KLHDC1: variants seen among roughly 807,000 people sequenced by gnomAD.
KLHDC1 encodes kelch domain-containing protein 1.
A neutral mutation model predicts 68.3 loss-of-function variants in KLHDC1; 53 were observed. That is an observed-to-expected ratio of 0.78 (90% CI 0.62 to 0.98). The LOEUF is 0.98. Ranked by LOEUF, KLHDC1 falls within the 50% of genes least tolerant of loss-of-function variation. The pLI, the probability that KLHDC1 is intolerant of heterozygous loss-of-function variation, is 0.00. For missense variants in KLHDC1, 470 were observed against 492.3 expected (o/e 0.95, Z 0.43); for synonymous variants, 148 against 159.0 (o/e 0.93, Z 0.52).
At chr14:49,693,465 C>A (rs1887630872) in intron 1 of KLHDC1, among the ~76,000 whole-genome samples, 175 bp downstream of exon 1, 1 of 151,848 alleles carries the variant, frequency 6.6e-6, no homozygotes, top group Non-Finnish European at 1.5e-5. Context: ...CAGGGCTTGA[C>A]GTCGTCCCGC....
chr14:49,714,173 A>T (rs1411397097), intron 4 of KLHDC1, among the ~76,000 whole-genome samples: 3 of 151,610 alleles, frequency 2.0e-5, no homozygotes, highest in Non-Finnish European at 4.4e-5. Flanking sequence ...TTTTAAATAA[A>T]GTTTAAAAAT....
chr14:49,703,224 A>T (rs1887956156), intron 1 of KLHDC1, among the ~76,000 whole-genome samples: 1 of 151,250 alleles, frequency 6.6e-6, no homozygotes, highest in Non-Finnish European at 1.5e-5. Context: ...TGCTCCCACT[A>T]CCCCCACTCA....
intron 4 of KLHDC1, among the ~76,000 whole-genome samples, chr14:49,714,038 G>T (rs1888304707): frequency 6.8e-6 from 1 of 147,738 alleles, no homozygotes; most frequent in Non-Finnish European, 1.5e-5. Flanking sequence ...GTAGAAACAG[G>T]GTTTCACCAT....
chr14:49,737,571 A>G (rs1183116213), intron 10 of KLHDC1, among the ~76,000 whole-genome samples: 1 of 152,114 alleles, frequency 6.6e-6, no homozygotes, highest in Non-Finnish European at 1.5e-5. Flanking sequence ...GTATATTAAG[A>G]AAAGTAATCA....
chr14:49,731,552 C>G (rs575505373), intron 8 of KLHDC1, among the ~76,000 whole-genome samples: 182 of 152,212 alleles, frequency 1.2e-3, no homozygotes, highest in African/African-American at 4.3e-3. Flanking sequence ...TCACTACAAC[C>G]TCCACCTCCC....
chr14:49,734,185 A>G (rs914327237), intron 9 of KLHDC1, among the ~76,000 whole-genome samples: 9 of 152,186 alleles, frequency 5.9e-5, no homozygotes, highest in Admixed American at 5.9e-4. Flanking sequence ...AGATTTGGTC[A>G]TATGGATATT....
intron 9 of KLHDC1, 110 bp from the exon 10 acceptor site, chr14:49,734,479 G>A (rs1594676948): frequency 1.9e-6 from 1 of 535,956 alleles, no homozygotes; most frequent in East Asian, 3.1e-5. Context: ...GATAAAATAG[G>A]TGCACTCAGA....
At chr14:49,743,399 CAA>C (rs956715386) in intron 11 of KLHDC1, among the ~76,000 whole-genome samples, 18 of 68,730 alleles carry the variant, frequency 2.6e-4, no homozygotes, top group Admixed American at 3.7e-4. Context: ...GACTCCATCT[CAA>C]AAAAAAAAAA....
chr14:49,713,839 TATATATATATA>T (rs1888292194), intron 4 of KLHDC1, among the ~76,000 whole-genome samples: 7 of 6,260 alleles, frequency 1.1e-3, no homozygotes, highest in Non-Finnish European at 2.4e-3. Context: ...TATATATATA[TATATATATATA>T]TTTTTTTTTT....
intron 12 of KLHDC1, among the ~76,000 whole-genome samples, chr14:49,745,535 G>A (rs567870879): frequency 6.6e-6 from 1 of 152,152 alleles, no homozygotes; most frequent in African/African-American, 2.4e-5. Flanking sequence ...AATAGAAAAA[G>A]GAAATTGCCT....
At chr14:49,733,037 G>A (rs1451114154) in intron 9 of KLHDC1, among the ~76,000 whole-genome samples, 2 of 152,152 alleles carry the variant, frequency 1.3e-5, no homozygotes, top group Non-Finnish European at 2.9e-5. Flanking sequence ...GGTGATTGAA[G>A]CTAGATGAAA....
chr14:49,702,981 G>A (rs1308883821), intron 1 of KLHDC1, among the ~76,000 whole-genome samples: 1 of 152,124 alleles, frequency 6.6e-6, no homozygotes, highest in Non-Finnish European at 1.5e-5. Context: ...TCCTTGCATC[G>A]ACCAGAGGCT....
chr14:49,729,645 A>T, intron 8 of KLHDC1, 97 bp downstream of exon 8: 1 of 759,474 alleles, frequency 1.3e-6, no homozygotes, highest in Non-Finnish European at 2.2e-6. Flanking sequence ...CTGGACTGGT[A>T]TTTTTTTCCT....
chr14:49,703,871 A>G (rs1399518648), intron 1 of KLHDC1, among the ~76,000 whole-genome samples: 3 of 152,180 alleles, frequency 2.0e-5, no homozygotes, highest in South Asian at 4.1e-4. Flanking sequence ...TTATTGGTGA[A>G]TATTTGAATG....
chr14:49,744,134 G>C (rs1301017869), intron 12 of KLHDC1, among the ~76,000 whole-genome samples: 2 of 146,438 alleles, frequency 1.4e-5, no homozygotes, highest in Non-Finnish European at 3.0e-5. Context: ...AAAAAAAAAA[G>C]TAGCTGGCAT....
intron 12 of KLHDC1, among the ~76,000 whole-genome samples, chr14:49,745,589 G>C (rs957196230): frequency 5.9e-5 from 9 of 152,340 alleles, no homozygotes; most frequent in African/African-American, 2.2e-4. Context: ...TGGAGAAGAA[G>C]GCCTTTTGTC....
chr14:49,693,742 C>CTTTTTATTTTTTTTTTTTTTTTTT (rs1566589138), intron 1 of KLHDC1, among the ~76,000 whole-genome samples: 1 of 60,926 alleles, frequency 1.6e-5, no homozygotes, highest in African/African-American at 5.4e-5. Flanking sequence ...ATTTTCTTTT[C>CTTTTTATTTTTTTTTTTTTTTTTT]TTTTTCTTTT....
chr14:49,712,551 A>T (rs1231610093), intron 4 of KLHDC1, among the ~76,000 whole-genome samples: 1 of 148,848 alleles, frequency 6.7e-6, no homozygotes, highest in African/African-American at 2.5e-5. Flanking sequence ...GCCCAGGATG[A>T]AGTGCAGTGG....
intron 12 of KLHDC1, among the ~76,000 whole-genome samples, chr14:49,748,758 G>A (rs1467320642): frequency 6.6e-6 from 1 of 150,898 alleles, no homozygotes; most frequent in Non-Finnish European, 1.5e-5. Context: ...TATAAAAATT[G>A]TACATGTATA....
Sources: gnomAD v4.1 joint callset for allele counts (sites outside exome capture counted in the v4.1 genomes callset) on GRCh38, gnomAD v4.1.1 for gene constraint, MANE v1.5 for transcripts, NCBI Gene and HGNC (gene_info 2026-07-23, HGNC 2026-07-21) for gene names.